The following SHISAL2B variants were observed in gnomAD, a reference collection of about 807,000 sequenced individuals.
SHISAL2B encodes the protein protein shisa-like-2B.
SHISAL2B carries 12 observed loss-of-function variants against 16.5 expected under a neutral mutation model. That is an observed-to-expected ratio of 0.73 (90% CI 0.47 to 1.18). The LOEUF (loss-of-function observed/expected upper bound fraction) is 1.18. Among genes scored for constraint, SHISAL2B ranks in the 50% most tolerant of loss-of-function variants. The pLI is 0.00. For synonymous variants in SHISAL2B, 72 were observed against 75.0 expected (o/e 0.96, Z 0.21); for missense variants, 183 against 193.6 (o/e 0.95, Z 0.33).
rs961958768 is a variant in SHISAL2B at position 64,690,848 on chromosome 5, C to A, written c.191+34C>A. 3.4e-6 allele frequency: 5 copies of A among 1,470,830 alleles called. No homozygotes were observed. In the African/African-American group the frequency reaches 5.7e-5, roughly 17 times the overall value. The allele number at this position is 1,470,830 out of a possible 1,614,324, so 91.1% of individuals were successfully genotyped here. A position where few individuals can be genotyped will look rare whatever the true frequency, so the allele number is the denominator to read the frequency against. ...AGAGCCCGCGCGTGCGGCGGCTGGC[C>A]GAGCCCGGGGCTAGGGAGGCGACAA... is the stretch of plus-strand genomic sequence containing the variant. On this transcript the variant is annotated intron_variant, in intron 1 of 2. Transcript: ENST00000389074.
intron 2 of SHISAL2B, among the ~76,000 whole-genome samples, chr5:64,698,302 A>G (rs1041236143): frequency 6.6e-6 from 1 of 152,212 alleles, no homozygotes; most frequent in African/African-American, 2.4e-5. Flanking sequence ...TTAAAACACA[A>G]GTCAGGTCAT....
chr5:64,695,003 G>A lies in SHISAL2B; in HGVS notation c.192-504G>A, dbSNP rs184383717. On this transcript the variant is annotated intron_variant, in intron 1 of 2. Coordinates refer to ENST00000389074, the MANE Select transcript of SHISAL2B (RefSeq NM_001164442.2). ...AGGCCGGCCGGGAGCGGTGGCTCAC[G>A]TCTGTAATCCCAGCACTTTGGGAGG... 5.3e-3 allele frequency among the ~76,000 whole-genome samples: 811 copies of A among 152,240 alleles called. 7 individuals carry two copies. The highest frequency in any genetic ancestry group is 0.018 in the African/African-American group (767 of 41,542).
chr5:64,690,891 C>A, intron 1 of SHISAL2B, 77 bp downstream of exon 1: 1 of 1,286,016 alleles, frequency 7.8e-7, no homozygotes, highest in Non-Finnish European at 1.0e-6. Context: ...CACGCCAGGG[C>A]CAGGGAGGTT....
chr5:64,696,618 T>TCTGTCTTATGTGGTTG (rs1401591704), intron 2 of SHISAL2B, among the ~76,000 whole-genome samples: 2 of 152,142 alleles, frequency 1.3e-5, no homozygotes, highest in Non-Finnish European at 2.9e-5. Context: ...TCTGGGAGTG[T>TCTGTCTTATGTGGTTG]CTGTCTTATG....
At chr5:64,700,460 G>A (rs1447938419) in intron 2 of SHISAL2B, among the ~76,000 whole-genome samples, 1 of 152,132 alleles carries the variant, frequency 6.6e-6, no homozygotes, top group Non-Finnish European at 1.5e-5. Flanking sequence ...GCCCAGGCTG[G>A]AGTATGGTGG....
chr5:64,705,760 C>T (rs1010532324), intron 2 of SHISAL2B, among the ~76,000 whole-genome samples: 1 of 152,192 alleles, frequency 6.6e-6, no homozygotes, highest in Non-Finnish European at 1.5e-5. Flanking sequence ...AGGTTAACGA[C>T]GTATCCCTGA....
At chr5:64,695,692 A>G (rs940486768) in intron 2 of SHISAL2B, 28 bp downstream of exon 2, 33 of 1,459,706 alleles carry the variant, frequency 2.3e-5, no homozygotes, top group Non-Finnish European at 3.0e-5. Flanking sequence ...TTTGTTACCA[A>G]TTACCTGAAC....
At chr5:64,709,747 G>T (rs1366117928) in intron 2 of SHISAL2B, among the ~76,000 whole-genome samples, 3 of 151,156 alleles carry the variant, frequency 2.0e-5, no homozygotes, top group Non-Finnish European at 4.4e-5. Flanking sequence ...GTGTGAGATG[G>T]TATCTCATAG....
intron 2 of SHISAL2B, among the ~76,000 whole-genome samples, chr5:64,709,775 T>A (rs1414337289): frequency 6.6e-6 from 1 of 152,072 alleles, no homozygotes; most frequent in Non-Finnish European, 1.5e-5. Flanking sequence ...GATTTGCATT[T>A]CTCTGATGGC....
At chr5:64,694,868 T>C (rs1741710098) in intron 1 of SHISAL2B, among the ~76,000 whole-genome samples, 1 of 152,338 alleles carries the variant, frequency 6.6e-6, no homozygotes, top group African/African-American at 2.4e-5. Flanking sequence ...TAAAGTATAT[T>C]AATAATAGAG....
chr5:64,695,047 C>T (rs1741712414), intron 1 of SHISAL2B, among the ~76,000 whole-genome samples: 1 of 151,990 alleles, frequency 6.6e-6, no homozygotes, highest in Admixed American at 6.6e-5. Flanking sequence ...GGTGGATCGC[C>T]TGAGCTCAGG....
intron 1 of SHISAL2B, among the ~76,000 whole-genome samples, chr5:64,692,603 C>G (rs888016683): frequency 6.6e-6 from 1 of 152,062 alleles, no homozygotes; most frequent in Non-Finnish European, 1.5e-5. Flanking sequence ...AGTCACTAGC[C>G]CTTGTTTTGA....
intron 2 of SHISAL2B, among the ~76,000 whole-genome samples, chr5:64,697,803 T>C (rs1741758874): frequency 6.6e-6 from 1 of 152,226 alleles, no homozygotes; most frequent in Non-Finnish European, 1.5e-5. Flanking sequence ...ACCCATATGC[T>C]CTATTTTAGC....
At chr5:64,700,017 C>G (rs1035193439) in intron 2 of SHISAL2B, among the ~76,000 whole-genome samples, 1 of 152,212 alleles carries the variant, frequency 6.6e-6, no homozygotes, top group Non-Finnish European at 1.5e-5. Flanking sequence ...CCACCTTCTT[C>G]TTTTTAAACT....
Position 64,718,040 on chromosome 5 carries a change from T to C in SHISAL2B, c.*18T>C. On this transcript the variant is annotated 3_prime_UTR_variant, in exon 3 of 3. Transcript: ENST00000389074. Reference sequence around the variant, plus strand: ...CTTATTAACTAAAAATTCTGTGTTTTAAATGCTTACTGGAGAGATGGGACA... The same window carrying C: ...CTTATTAACTAAAAATTCTGTGTTTCAAATGCTTACTGGAGAGATGGGACA... 6.7e-7 allele frequency: 1 copy of C among 1,492,024 alleles called. No homozygotes were observed. The highest frequency in any genetic ancestry group is 8.8e-7 in the Non-Finnish European group (1 of 1,134,194). 92.4% of individuals were successfully genotyped at this position (1,492,024 alleles called of 1,614,324 possible).
At chr5:64,700,064 G>A (rs1472500754) in intron 2 of SHISAL2B, among the ~76,000 whole-genome samples, 2 of 152,158 alleles carry the variant, frequency 1.3e-5, no homozygotes, top group Non-Finnish European at 2.9e-5. Context: ...AAATGCCAAT[G>A]TTTAAAAGAA....
chr5:64,716,523 G>C (rs367877667), intron 2 of SHISAL2B, among the ~76,000 whole-genome samples: 12 of 152,142 alleles, frequency 7.9e-5, no homozygotes, highest in African/African-American at 2.7e-4. Context: ...TGCTTTGGGG[G>C]GAGAAATGGA....
chr5:64,695,947 G>C (rs1431865580), intron 2 of SHISAL2B, among the ~76,000 whole-genome samples: 5 of 152,160 alleles, frequency 3.3e-5, no homozygotes, highest in Admixed American at 2.6e-4. Context: ...AGTTATTAAA[G>C]TTTATCCTCT....
chr5:64,714,797 C>T (rs916384781), intron 2 of SHISAL2B, among the ~76,000 whole-genome samples: 12 of 152,130 alleles, frequency 7.9e-5, no homozygotes, highest in Non-Finnish European at 1.2e-4. Context: ...GGGAGTGACC[C>T]GATTTTCCAG....
Sources: allele counts gnomAD v4.1 joint callset (sites outside exome capture counted in the v4.1 genomes callset), GRCh38; gene constraint gnomAD v4.1.1; transcripts MANE v1.5; gene names NCBI Gene and HGNC (gene_info 2026-07-23, HGNC 2026-07-21).